Variants in SEMA3A observed in about 807,000 individuals in gnomAD.
The protein encoded by SEMA3A is semaphorin-3A.
Under a neutral mutation model 97.9 loss-of-function variants are expected in SEMA3A, and 29 were observed. The ratio of observed to expected loss-of-function variants is 0.30; its 90% CI spans 0.22 to 0.40. The LOEUF (loss-of-function observed/expected upper bound fraction) is 0.40. SEMA3A is among the 10% of genes least tolerant of loss of function. The pLI is 1.00. For missense variants in SEMA3A, 763 were observed against 951.3 expected (o/e 0.80, Z 2.60); for synonymous variants, 321 against 323.7 (o/e 0.99, Z 0.09).
intron 3 of SEMA3A, among the ~76,000 whole-genome samples, chr7:84,262,640 T>G (rs1799886207): frequency 6.6e-6 from 1 of 152,228 alleles, no homozygotes; most frequent in African/African-American, 2.4e-5. Context: ...TATATCCATA[T>G]TCATATCTAC....
At chr7:84,363,325 A>C (rs1663730264) in intron 2 of SEMA3A, among the ~76,000 whole-genome samples, 1 of 151,940 alleles carries the variant, frequency 6.6e-6, no homozygotes. Flanking sequence ...GTTTCATGAC[A>C]GTTCAGGAGA....
chr7:84,162,073 A>C (rs1396839006), intron 1 of SEMA3A, among the ~76,000 whole-genome samples: 1 of 152,152 alleles, frequency 6.6e-6, no homozygotes, highest in East Asian at 1.9e-4. Flanking sequence ...TTTGAGTTTA[A>C]TGTTACTGGA....
intron 3 of SEMA3A, among the ~76,000 whole-genome samples, chr7:84,113,132 A>C (rs1795323591): frequency 6.6e-6 from 1 of 152,266 alleles, no homozygotes; most frequent in African/African-American, 2.4e-5. Flanking sequence ...AAGATGCTTG[A>C]AATGAAACAA....
At chr7:84,355,003 A>AT (rs1802523007) in intron 2 of SEMA3A, among the ~76,000 whole-genome samples, 1 of 151,810 alleles carries the variant, frequency 6.6e-6, no homozygotes, top group Non-Finnish European at 1.5e-5. Flanking sequence ...CAGCATCTGC[A>AT]TACCAGACCT....
At chr7:84,074,204 G>A (rs1237579057) in intron 4 of SEMA3A, among the ~76,000 whole-genome samples, 3 of 152,126 alleles carry the variant, frequency 2.0e-5, no homozygotes, top group Middle Eastern at 3.4e-3. Context: ...GCTTAAACTT[G>A]GTTTCCTGGC....
At chr7:84,321,507 C>A (rs373952504) in intron 2 of SEMA3A, among the ~76,000 whole-genome samples, 1 of 152,020 alleles carries the variant, frequency 6.6e-6, no homozygotes, top group Non-Finnish European at 1.5e-5. Flanking sequence ...CTGCAACTAA[C>A]CAGTTATGTG....
chr7:84,393,484 C>T (rs1388043862), intron 1 of SEMA3A, among the ~76,000 whole-genome samples: 1 of 152,070 alleles, frequency 6.6e-6, no homozygotes, highest in Non-Finnish European at 1.5e-5. Flanking sequence ...ATGGTACTAG[C>T]ATAAAAGTAG....
chr7:84,024,636 G>A (rs2116449036), intron 6 of SEMA3A, among the ~76,000 whole-genome samples: 1 of 152,230 alleles, frequency 6.6e-6, no homozygotes, highest in East Asian at 1.9e-4. Flanking sequence ...ATATCTTTGA[G>A]GAGTGTTGGG....
At chr7:84,046,854 T>A (rs1387397562) in intron 5 of SEMA3A, among the ~76,000 whole-genome samples, 1 of 152,066 alleles carries the variant, frequency 6.6e-6, no homozygotes, top group Non-Finnish European at 1.5e-5. Context: ...TAACGTAGGG[T>A]AAGGTATCAT....
chr7:84,435,522 C>T (rs529408072), intron 1 of SEMA3A, among the ~76,000 whole-genome samples: 17 of 152,250 alleles, frequency 1.1e-4, no homozygotes, highest in Admixed American at 4.6e-4. Context: ...GCAGGAGATT[C>T]GCTTGAACCT....
chr7:84,038,208 T>A (rs1052007736), intron 6 of SEMA3A, among the ~76,000 whole-genome samples: 1 of 152,070 alleles, frequency 6.6e-6, no homozygotes, highest in Non-Finnish European at 1.5e-5. Flanking sequence ...ATAGATTCAG[T>A]CTAAGGAAAG....
chr7:84,425,257 TATA>T (rs552592341), intron 1 of SEMA3A, among the ~76,000 whole-genome samples: 2,795 of 122,462 alleles, frequency 0.023, 127 homozygotes, highest in African/African-American at 0.085. Context: ...AAATATATAA[TATA>T]ATTTTAAATA....
chr7:84,476,080 G>A (rs1303038747), intron 1 of SEMA3A, among the ~76,000 whole-genome samples: 1 of 151,980 alleles, frequency 6.6e-6, no homozygotes, highest in Non-Finnish European at 1.5e-5. Flanking sequence ...TTTTTGGCCA[G>A]GTGCGGTGGC....
intron 2 of SEMA3A, among the ~76,000 whole-genome samples, chr7:84,335,695 C>G (rs1481120366): frequency 1.3e-5 from 2 of 152,000 alleles, no homozygotes. Context: ...AGTGAATATA[C>G]TAACTAATTT....
intron 12 of SEMA3A, among the ~76,000 whole-genome samples, chr7:83,998,804 C>G (rs1790322475): frequency 6.6e-6 from 1 of 151,946 alleles, no homozygotes; most frequent in Non-Finnish European, 1.5e-5. Context: ...TTTTTAAACT[C>G]CTTTTGTTAA....
chr7:84,486,561 T>C (rs2116444678), intron 1 of SEMA3A, among the ~76,000 whole-genome samples: 1 of 152,296 alleles, frequency 6.6e-6, no homozygotes, highest in Middle Eastern at 3.4e-3. Context: ...CAGAATTCCT[T>C]ATAGTACTTT....
At chr7:84,150,418 C>G (rs958784116) in intron 1 of SEMA3A, among the ~76,000 whole-genome samples, 1 of 152,198 alleles carries the variant, frequency 6.6e-6, no homozygotes, top group African/African-American at 2.4e-5. Flanking sequence ...CGAGGCATTG[C>G]CTCACTCGGG....
At chr7:84,093,163 C>T (rs1794648642) in intron 4 of SEMA3A, among the ~76,000 whole-genome samples, 1 of 152,078 alleles carries the variant, frequency 6.6e-6, no homozygotes, top group South Asian at 2.1e-4. Context: ...CTAATTTGCA[C>T]CATGTAACTT....
intron 3 of SEMA3A, among the ~76,000 whole-genome samples, chr7:84,291,587 GA>G (rs1800747637): frequency 6.6e-6 from 1 of 151,956 alleles, no homozygotes; most frequent in Non-Finnish European, 1.5e-5. Context: ...TTTCCATTTG[GA>G]AATTTGTGTT....
Sources: gnomAD v4.1 joint callset for allele counts (sites outside exome capture counted in the v4.1 genomes callset) on GRCh38, gnomAD v4.1.1 for gene constraint, MANE v1.5 for transcripts, NCBI Gene and HGNC (gene_info 2026-07-23, HGNC 2026-07-21) for gene names.